USP34: variants seen among roughly 807,000 people sequenced by gnomAD.
The protein encoded by USP34 is ubiquitin specific peptidase 34, also known as ubiquitin carboxyl-terminal hydrolase 34.
In USP34, 70 loss-of-function variants were observed where a neutral mutation model predicts 460.3. That is an observed-to-expected ratio of 0.15 (90% confidence interval 0.13 to 0.19). The LOEUF (loss-of-function observed/expected upper bound fraction) is 0.19. Ranked by LOEUF, USP34 falls within the 10% of genes least tolerant of loss-of-function variation. The pLI, the probability that USP34 is intolerant of heterozygous loss-of-function variation, is 1.00. For missense variants in USP34, 3,985 were observed against 4,236.2 expected (o/e 0.94, Z 1.65); for synonymous variants, 1,647 against 1,405.3 (o/e 1.17, Z -3.85).
intron 29 of USP34, among the ~76,000 whole-genome samples, chr2:61,300,338 G>A (rs1232150539): frequency 1.3e-5 from 2 of 151,654 alleles, no homozygotes; most frequent in South Asian, 2.1e-4. Context: ...GCTAGCACAC[G>A]GCACCATGCC....
intron 75 of USP34, among the ~76,000 whole-genome samples, chr2:61,198,874 G>C (rs1315326390): frequency 6.6e-6 from 1 of 151,868 alleles, no homozygotes; most frequent in Admixed American, 6.6e-5. Context: ...GTCTCAAATT[G>C]TTTGCTTTAT....
chr2:61,369,308 G>C (rs1410162573), intron 10 of USP34, among the ~76,000 whole-genome samples: 1 of 152,148 alleles, frequency 6.6e-6, no homozygotes, highest in Non-Finnish European at 1.5e-5. Context: ...AGGATGAAAT[G>C]AATGTGTTAG....
At chr2:61,366,075 G>A (rs141938065) in intron 10 of USP34, among the ~76,000 whole-genome samples, 4,108 of 152,210 alleles carry the variant, frequency 0.027, 192 homozygotes, top group African/African-American at 0.094. Flanking sequence ...ACAGGCATGC[G>A]CCGCCATGCC....
chr2:61,404,132 A>G (rs1198436221), intron 3 of USP34, among the ~76,000 whole-genome samples: 5 of 152,124 alleles, frequency 3.3e-5, no homozygotes, highest in African/African-American at 1.2e-4. Context: ...CAGGGAAAAT[A>G]TCTGCCCTCA....
rs574209328 is a variant in USP34 at position 61,429,216 on chromosome 2, G to C, written c.44-8383C>G. 3.9e-4 allele frequency among the ~76,000 whole-genome samples: 59 copies of C among 152,180 alleles called. No homozygotes were observed. In the East Asian group the frequency reaches 4.3e-3, roughly 11 times the overall value. ...TAATCCCAGCACTTTGGGAGGCCGA[G>C]GCAGGCGGATCACGAGGTCAGGAGA... On this transcript the variant is annotated intron_variant, in intron 1 of 79. Transcript: ENST00000398571.
intron 75 of USP34, among the ~76,000 whole-genome samples, chr2:61,195,177 G>A (rs770609422): frequency 3.7e-4 from 56 of 152,106 alleles, no homozygotes; most frequent in Non-Finnish European, 7.1e-4. Context: ...CCAAGATTAT[G>A]CAACTGCACT....
chr2:61,305,725 G>A (rs6545855), intron 27 of USP34, among the ~76,000 whole-genome samples: 2 of 151,748 alleles, frequency 1.3e-5, no homozygotes, highest in African/African-American at 4.8e-5. Context: ...AAGAAAGGCA[G>A]ACTCATAATC....
chr2:61,374,246 G>T (rs1010814769), intron 8 of USP34, among the ~76,000 whole-genome samples: 3 of 151,640 alleles, frequency 2.0e-5, no homozygotes, highest in African/African-American at 7.3e-5. Flanking sequence ...CTAAACAAGT[G>T]TTAGGGTTGG....
chr2:61,450,804 G>A (rs1695247974), intron 1 of USP34, among the ~76,000 whole-genome samples: 1 of 147,892 alleles, frequency 6.8e-6, no homozygotes, highest in Non-Finnish European at 1.5e-5. Flanking sequence ...TTTCGGGAAA[G>A]ACACCGTAAG....
intron 20 of USP34, 106 bp from the exon 21 acceptor site, chr2:61,325,563 TC>T: frequency 3.3e-6 from 2 of 608,446 alleles, no homozygotes; most frequent in Non-Finnish European, 5.0e-6. Flanking sequence ...TTTTAATAAT[TC>T]ATAATTATTT....
At chr2:61,328,448 C>A (rs543609500) in intron 20 of USP34, among the ~76,000 whole-genome samples, 2 of 152,106 alleles carry the variant, frequency 1.3e-5, no homozygotes, top group African/African-American at 4.8e-5. Flanking sequence ...ATTTTAATCT[C>A]CACTGGAAAA....
rs1403941029 is a variant in USP34 at position 61,214,234 on chromosome 2, A to G, written c.8508T>C (p.Ala2836=). 1 of 1,614,260 alleles carries G rather than the reference A, an allele frequency of 6.2e-7. No individual in the cohort carries two copies. The highest frequency in any genetic ancestry group is 1.7e-5 in the Admixed American group (1 of 60,032). The change falls in exon 68 of 80, where the codon GCT becomes GCC. Residue 2836 remains alanine (A), a synonymous_variant. Coordinates refer to ENST00000398571, the MANE Select transcript of USP34 (RefSeq NM_014709.4). ...TKNIAFNYIL[A]DHDDQDVVLF... ...GCACCACATCCTGATCATCATGGTCAGCAAGGATGTAATTGAAGGCAATGT... is the reference window on the plus strand; with the variant it reads ...GCACCACATCCTGATCATCATGGTCGGCAAGGATGTAATTGAAGGCAATGT...
chr2:61,312,511 A>T (rs939294058), intron 25 of USP34, among the ~76,000 whole-genome samples: 1 of 130,336 alleles, frequency 7.7e-6, no homozygotes, highest in African/African-American at 2.8e-5. Context: ...ACCTGAGTTT[A>T]AAAAAAAAAA....
intron 2 of USP34, among the ~76,000 whole-genome samples, chr2:61,415,671 G>A (rs965932839): frequency 1.3e-5 from 2 of 152,146 alleles, no homozygotes; most frequent in Non-Finnish European, 2.9e-5. Flanking sequence ...AGGGGACACA[G>A]GGACTTTATT....
intron 1 of USP34, among the ~76,000 whole-genome samples, chr2:61,421,198 G>C (rs2103973499): frequency 6.6e-6 from 1 of 152,288 alleles, no homozygotes; most frequent in South Asian, 2.1e-4. Flanking sequence ...GAAGAAGAAG[G>C]CAGGAGGAGA....
chr2:61,220,175 A>AAAAGG, intron 67 of USP34, 135 bp downstream of exon 67: 1 of 458,760 alleles, frequency 2.2e-6, no homozygotes. Context: ...AAAAAAAAAA[A>AAAAGG]AAAAAAAGGA....
chr2:61,315,055 A>C lies in USP34; in HGVS notation c.3283-81T>G. 5 of 1,014,264 alleles carry C rather than the reference A, an allele frequency of 4.9e-6. No homozygotes were observed. The South Asian group carries it at 8.4e-5, about 17-fold the overall frequency. 62.8% of individuals were successfully genotyped at this position (1,014,264 alleles called of 1,614,324 possible). A position where few individuals can be genotyped will look rare whatever the true frequency, so the allele number is the denominator to read the frequency against. On this transcript the variant is annotated intron_variant, in intron 23 of 79. Transcript: ENST00000398571. ...TTAAGACTGAAGTATCAAAAGTAAAAATCATAGGCAACTCCTATTATTCAG... is the reference window on the plus strand; with the variant it reads ...TTAAGACTGAAGTATCAAAAGTAAACATCATAGGCAACTCCTATTATTCAG...
rs766976207 is a variant in USP34, at chr2:61,229,645, G to T, written c.7114-12C>A. ...AAACGCTGAAACATCTGTGAAGAAA[G>T]AAAAAGATCAAACAAGAGCCAACTC... On this transcript the variant is annotated splice_polypyrimidine_tract_variant and intron_variant, in intron 58 of 79. Transcript: ENST00000398571. 6.2e-7 allele frequency: 1 copy of T among 1,606,768 alleles called. No individual in the cohort carries two copies.
chr2:61,365,996 G>C (rs1420241954), intron 10 of USP34, among the ~76,000 whole-genome samples: 1 of 148,026 alleles, frequency 6.8e-6, no homozygotes, highest in African/African-American at 2.5e-5. Flanking sequence ...CTGCTGCCCA[G>C]GCTGGGGTAC....
Sources: allele counts gnomAD v4.1 joint callset (sites outside exome capture counted in the v4.1 genomes callset), GRCh38; gene constraint gnomAD v4.1.1; transcripts MANE v1.5; gene names NCBI Gene and HGNC (gene_info 2026-07-23, HGNC 2026-07-21).